Variants in GPATCH2 observed in about 807,000 individuals in gnomAD.
GPATCH2 encodes the protein G-patch domain containing 2.
GPATCH2 carries 51 observed loss-of-function variants against 58.0 expected under a neutral mutation model. That is an observed-to-expected ratio of 0.88 (90% confidence interval 0.70 to 1.11). GPATCH2 has a LOEUF of 1.11. GPATCH2 is among the 50% of genes most tolerant of loss of function. The pLI is 0.00. For synonymous variants in GPATCH2, 222 were observed against 218.5 expected (o/e 1.02, Z -0.14); for missense variants, 625 against 652.2 (o/e 0.96, Z 0.45).
At chr1:217,573,086 A>T (rs748669335) in intron 5 of GPATCH2, among the ~76,000 whole-genome samples, 2 of 152,190 alleles carry the variant, frequency 1.3e-5, no homozygotes, top group Non-Finnish European at 2.9e-5. Flanking sequence ...AAGCAAATAA[A>T]ATGACACTTT....
intron 5 of GPATCH2, among the ~76,000 whole-genome samples, chr1:217,528,969 G>T (rs1198884476): frequency 6.6e-6 from 1 of 152,178 alleles, no homozygotes; most frequent in East Asian, 1.9e-4. Flanking sequence ...CAGACTCACA[G>T]AAGTGAATGT....
Position 217,514,010 on chromosome 1 carries a change from A to C in GPATCH2, c.1166+812T>G, listed in dbSNP as rs139261706. On this transcript the variant is annotated intron_variant, in intron 6 of 9. Transcript: ENST00000366935. ...CAGCTAATTTTTGTATTTTTAGTAG[A>C]GACCGGGTTTCACGATATGTTGGCC... Among the ~76,000 whole-genome samples the C allele has an allele frequency of 5.7e-3, 868 of 152,016 alleles. 8 individuals carry two copies. Among genetic ancestry groups the C allele is most frequent in the African/African-American group, 0.02 (814 of 41,462 alleles).
intron 5 of GPATCH2, among the ~76,000 whole-genome samples, chr1:217,595,842 A>G (rs925859769): frequency 6.6e-6 from 1 of 152,126 alleles, no homozygotes; most frequent in Non-Finnish European, 1.5e-5. Flanking sequence ...TCTGTTTGTG[A>G]ACCCATAAAA....
intron 9 of GPATCH2, among the ~76,000 whole-genome samples, chr1:217,443,684 C>T (rs900031990): frequency 6.6e-6 from 1 of 151,896 alleles, no homozygotes; most frequent in African/African-American, 2.4e-5. Context: ...GTCCTTCAGC[C>T]TCTTTTATAT....
chr1:217,491,703 AT>A lies in GPATCH2; in HGVS notation c.1253del (p.Asn418IlefsTer4). The A allele has an allele frequency of 6.6e-7, 1 of 1,523,316 alleles. No homozygotes were observed. The highest frequency in any genetic ancestry group is 9.0e-7 in the Non-Finnish European group (1 of 1,107,444). 94.4% of individuals were successfully genotyped at this position (1,523,316 alleles called of 1,614,324 possible). A position where few individuals can be genotyped will look rare whatever the true frequency, so the allele number is the denominator to read the frequency against. On this transcript the variant is annotated frameshift_variant, in exon 8 of 10. Coordinates refer to ENST00000366935, the MANE Select transcript of GPATCH2 (RefSeq NM_018040.5). LOFTEE classifies it high-confidence loss of function. ...ACCTGCTGGCTGTTCTCACAGAACA[AT>A]TTTTCTTGTGTCCTCTTTCAGCTCG... is the stretch of plus-strand genomic sequence containing the variant. Reference protein sequence around the residue: ...DNRAERGHKKNCSVRTASRQT... With the variant: ...DNRAERGHKKXCSVRTASRQT...
intron 3 of GPATCH2, 40 bp from the exon 4 acceptor site, chr1:217,611,111 G>C: frequency 1.9e-6 from 3 of 1,547,862 alleles, no homozygotes; most frequent in Non-Finnish European, 2.6e-6. Context: ...CAAAGACTCA[G>C]TTTTATCATC....
chr1:217,582,243 T>C (rs1667114391), intron 5 of GPATCH2, among the ~76,000 whole-genome samples: 1 of 152,114 alleles, frequency 6.6e-6, no homozygotes, highest in South Asian at 2.1e-4. Context: ...AAAGACAAAG[T>C]TGAAAAGTTA....
In GPATCH2 at chr1:217,427,730, C is replaced by T. The variant is rs1309333136; in HGVS notation, c.*3415G>A. On this transcript the variant is annotated 3_prime_UTR_variant, in exon 10 of 10. Coordinates refer to ENST00000366935, the MANE Select transcript of GPATCH2 (RefSeq NM_018040.5). ...TGTCAACAGTGATTTTTTCTCTTTT[C>T]GGAAATATCTGCTCAAAATAAAGTG... 6.6e-6 allele frequency: 1 copy of T among 151,984 alleles called. No individual in the cohort carries two copies. The highest frequency in any genetic ancestry group is 1.5e-5 in the Non-Finnish European group (1 of 67,952). 9.4% of individuals were successfully genotyped at this position (151,984 alleles called of 1,614,324 possible).
intron 9 of GPATCH2, among the ~76,000 whole-genome samples, chr1:217,435,929 T>C (rs1272022356): frequency 6.6e-6 from 1 of 152,196 alleles, no homozygotes; most frequent in African/African-American, 2.4e-5. Context: ...GCAGACATAC[T>C]TCATGATACT....
intron 9 of GPATCH2, among the ~76,000 whole-genome samples, chr1:217,446,158 A>T (rs116115704): frequency 2.0e-5 from 3 of 152,130 alleles, no homozygotes; most frequent in African/African-American, 7.2e-5. Context: ...CCCTATTTCA[A>T]ATAAAAGACT....
At chr1:217,483,620 A>G (rs1661316816) in intron 8 of GPATCH2, among the ~76,000 whole-genome samples, 1 of 152,262 alleles carries the variant, frequency 6.6e-6, no homozygotes. Context: ...AGGAAACTTC[A>G]AAACTGGTTT....
rs546824662 is a variant in GPATCH2, at chr1:217,458,591, G to GA, written c.1278-9255dup. Among the ~76,000 whole-genome samples, 9 of 152,104 alleles carry GA rather than the reference G, an allele frequency of 5.9e-5. No homozygotes were observed. In the East Asian group the frequency reaches 1.7e-3, roughly 29 times the overall value. ...GCCCCGTATTTTTCCAGGTCCTTTA[G>GA]ATTTTTTTTCTTAACAACTGGTACT... On this transcript the variant is annotated intron_variant, in intron 8 of 9. Transcript: ENST00000366935.
At chr1:217,523,906 CCCCACA>C (rs1663640510) in intron 5 of GPATCH2, among the ~76,000 whole-genome samples, 1 of 112,314 alleles carries the variant, frequency 8.9e-6, no homozygotes, top group Non-Finnish European at 2.1e-5. Flanking sequence ...GGGGGCTGAC[CCCCACA>C]CCTCCCTCCC....
chr1:217,450,422 T>G (rs1222617402), intron 8 of GPATCH2, among the ~76,000 whole-genome samples: 3 of 152,154 alleles, frequency 2.0e-5, no homozygotes, highest in East Asian at 3.8e-4. Context: ...ACTCATATGG[T>G]TAAATATAAT....
chr1:217,621,106 A>G (rs1163481784), intron 1 of GPATCH2, among the ~76,000 whole-genome samples: 1 of 152,226 alleles, frequency 6.6e-6, no homozygotes, highest in Non-Finnish European at 1.5e-5. Context: ...TTGGAGCCTC[A>G]CTGGTTTCAA....
At position 217,631,090 on chromosome 1, in the gene GPATCH2, C is replaced by G; in HGVS notation, c.-119G>C. 1 of 1,004,564 alleles carries G rather than the reference C, an allele frequency of 1.0e-6. No homozygotes were observed. Among genetic ancestry groups the G allele is most frequent in the South Asian group, 1.5e-5 (1 of 66,252 alleles). The allele number at this position is 1,004,564 out of a possible 1,614,324, so 62.2% of individuals were successfully genotyped here. A position where few individuals can be genotyped will look rare whatever the true frequency, so the allele number is the denominator to read the frequency against. On this transcript the variant is annotated 5_prime_UTR_variant, in exon 1 of 10. Coordinates refer to ENST00000366935, the MANE Select transcript of GPATCH2 (RefSeq NM_018040.5). ...TTTGAGATGAGCTTCCGGAAGCCGA[C>G]AGGCGGCGGAAACCGGATGCCCGGA...
At chr1:217,513,806 A>G (rs776610924) in intron 6 of GPATCH2, among the ~76,000 whole-genome samples, 7 of 151,970 alleles carry the variant, frequency 4.6e-5, no homozygotes, top group Non-Finnish European at 1.0e-4. Context: ...AAAGTAGAGA[A>G]GTAATGAAGA....
At position 217,610,993 on chromosome 1, in the gene GPATCH2, C is replaced by T; in HGVS notation, c.914G>A (p.Trp305Ter). 1 of 1,613,312 alleles carries T rather than the reference C, an allele frequency of 6.2e-7. No individual in the cohort carries two copies. The highest frequency in any genetic ancestry group is 8.5e-7 in the Non-Finnish European group (1 of 1,179,522). ...ACGITGVVPWWEKEDPTELDK... is the reference protein window; with the variant it reads ...ACGITGVVPW Reference sequence around the variant, plus strand: ...TAGCTCAGTAGGATCTTCCTTTTCCCACCAGGGCACAACTCCAGTGATACC... The same window carrying T: ...TAGCTCAGTAGGATCTTCCTTTTCCTACCAGGGCACAACTCCAGTGATACC... Residue 305 changes from tryptophan to a stop codon, truncating the protein, a stop_gained, in exon 4 of 10, where the codon TGG becomes TAG. Transcript: ENST00000366935. LOFTEE classifies it high-confidence loss of function.
intron 3 of GPATCH2, among the ~76,000 whole-genome samples, chr1:217,613,287 C>T (rs1668722252): frequency 6.6e-6 from 1 of 151,956 alleles, no homozygotes; most frequent in Non-Finnish European, 1.5e-5. Flanking sequence ...TTTTGTACTG[C>T]CAAAAGGATG....
Sources: allele counts gnomAD v4.1 joint callset (sites outside exome capture counted in the v4.1 genomes callset), GRCh38; gene constraint gnomAD v4.1.1; transcripts MANE v1.5; gene names NCBI Gene and HGNC (gene_info 2026-07-23, HGNC 2026-07-21).